The following TRIM5 variants were observed in gnomAD, a reference collection of about 807,000 sequenced individuals.
TRIM5 encodes the protein tripartite motif-containing protein 5.
In TRIM5, 31 loss-of-function variants were observed where a neutral mutation model predicts 35.6. The observed-to-expected ratio is 0.87, with a 90% CI of 0.65 to 1.18. The LOEUF (loss-of-function observed/expected upper bound fraction) is 1.18. TRIM5 is among the 50% of genes most tolerant of loss of function. The pLI, the probability that TRIM5 is intolerant of heterozygous loss-of-function variation, is 0.00. For missense variants in TRIM5, 609 were observed against 591.6 expected, an observed-to-expected ratio of 1.03 and a Z score of -0.31; for synonymous variants, 243 against 215.6, an observed-to-expected ratio of 1.13 and a Z score of -1.11.
At chr11:5,655,186 T>A in the TRIM5 span, among the ~76,000 whole-genome samples, 328 of 140,306 alleles carry the variant, frequency 2.3e-3, 1 homozygote, top group African/African-American at 8.6e-3. Flanking sequence ...AGAGCGAAAC[T>A]CCGTCTAAAA....
chr11:5,625,242 A>G, the TRIM5 span, among the ~76,000 whole-genome samples: 1 of 152,226 alleles, frequency 6.6e-6, no homozygotes, highest in African/African-American at 2.4e-5. Context: ...GGGGAGGGAC[A>G]GCCTTGAAAG....
intron 1 of TRIM5, among the ~76,000 whole-genome samples, chr11:5,683,747 A>G (rs929313900): frequency 9.9e-5 from 15 of 152,118 alleles, no homozygotes; most frequent in African/African-American, 3.4e-4. Context: ...CAGGGATTGT[A>G]AATGCACCAA....
the TRIM5 span, among the ~76,000 whole-genome samples, chr11:5,607,574 G>A: frequency 1.3e-5 from 2 of 152,222 alleles, no homozygotes; most frequent in Admixed American, 1.3e-4. Flanking sequence ...CAATTCCACA[G>A]AAATGAGACT....
At chr11:5,619,688 A>ATTTTTTTTTTTTTTTTTTTTTTT in the TRIM5 span, 1 of 66,010 alleles carries the variant, frequency 1.5e-5, no homozygotes, top group Non-Finnish European at 2.7e-5. Flanking sequence ...CCTGTTTTAA[A>ATTTTTTTTTTTTTTTTTTTTTTT]TTTTTTTTTT....
At chr11:5,634,530 C>CACATATATATATATATATATATAT in the TRIM5 span, 19 of 203,882 alleles carry the variant, frequency 9.3e-5, no homozygotes, top group African/African-American at 6.6e-4. Flanking sequence ...CACACACACA[C>CACATATATATATATATATATATAT]ATATATATAT....
chr11:5,653,818 T>C, the TRIM5 span, among the ~76,000 whole-genome samples: 1 of 152,158 alleles, frequency 6.6e-6, no homozygotes, highest in Non-Finnish European at 1.5e-5. Context: ...TACAGTTCCA[T>C]ATGTCCTGTA....
the TRIM5 span, among the ~76,000 whole-genome samples, chr11:5,649,459 G>T: frequency 1.3e-5 from 2 of 152,088 alleles, no homozygotes; most frequent in African/African-American, 4.8e-5. Flanking sequence ...TACCCTAAGG[G>T]ATCTCCAGAC....
downstream of TRIM5, among the ~76,000 whole-genome samples, chr11:5,660,398 T>C (rs1024940302): frequency 6.6e-6 from 1 of 152,194 alleles, no homozygotes; most frequent in Non-Finnish European, 1.5e-5. Flanking sequence ...CCCCCAATAC[T>C]GTTGTCTTTT....
At chr11:5,598,449 A>G in the TRIM5 span, among the ~76,000 whole-genome samples, 2 of 152,230 alleles carry the variant, frequency 1.3e-5, no homozygotes, top group Non-Finnish European at 2.9e-5. Context: ...AAAGACATAT[A>G]ATGAACTAGA....
At chr11:5,661,239 C>A (rs957754109), downstream of TRIM5, among the ~76,000 whole-genome samples, 15 of 151,826 alleles carry the variant, frequency 9.9e-5, no homozygotes, top group Non-Finnish European at 7.4e-5. Flanking sequence ...AAGAAAAAAA[C>A]CAAAGAGATC....
At chr11:5,626,185 T>C in the TRIM5 span, among the ~76,000 whole-genome samples, 1,610 of 152,274 alleles carry the variant, frequency 0.011, 26 homozygotes, top group South Asian at 0.035. Context: ...ACCCAACATA[T>C]GGGATAAAAT....
At chr11:5,604,578 G>A in the TRIM5 span, 1 of 1,613,294 alleles carries the variant, frequency 6.2e-7, no homozygotes. Context: ...ACGAGGAGCA[G>A]GAAGCTGAGA....
At chr11:5,605,209 A>G in the TRIM5 span, 1 of 1,262,888 alleles carries the variant, frequency 7.9e-7, no homozygotes, top group Non-Finnish European at 1.1e-6. Context: ...CTCCTGCAGC[A>G]TTTACCCTCC....
chr11:5,612,075 C>A, the TRIM5 span: 1 of 152,188 alleles, frequency 6.6e-6, no homozygotes, highest in Admixed American at 6.5e-5. Context: ...CAATTTGTTA[C>A]CACAACTTGC....
chr11:5,605,111 T>C, the TRIM5 span: 1 of 582,980 alleles, frequency 1.7e-6, no homozygotes, highest in Non-Finnish European at 3.0e-6. Flanking sequence ...AGTTGATGTC[T>C]AGATGGCCTA....
the TRIM5 span, among the ~76,000 whole-genome samples, chr11:5,598,108 A>C: frequency 0.5 from 75,458 of 151,922 alleles, 19,151 homozygotes; most frequent in Middle Eastern, 0.71. Context: ...GGGCTCTGGG[A>C]CTGCAGGCTC....
At chr11:5,662,249 T>C (rs1409199191), downstream of TRIM5, among the ~76,000 whole-genome samples, 1 of 152,186 alleles carries the variant, frequency 6.6e-6, no homozygotes, top group African/African-American at 2.4e-5. Flanking sequence ...CAGAGACTAT[T>C]TGATGAGGTA....
the TRIM5 span, chr11:5,620,155 C>T: frequency 2.3e-5 from 3 of 130,070 alleles, no homozygotes; most frequent in African/African-American, 8.4e-5. Flanking sequence ...CTTTTTTTTC[C>T]TTTTCTTTCT....
At chr11:5,604,470 C>A in the TRIM5 span, 1 of 1,525,178 alleles carries the variant, frequency 6.6e-7, no homozygotes, top group Non-Finnish European at 8.9e-7. Flanking sequence ...CCCATTCATT[C>A]TATGTCTGGG....
Sources: gnomAD v4.1 joint callset for allele counts (sites outside exome capture counted in the v4.1 genomes callset) on GRCh38, gnomAD v4.1.1 for gene constraint, MANE v1.5 for transcripts, NCBI Gene and HGNC (gene_info 2026-07-23, HGNC 2026-07-21) for gene names.